The following ALK variants were observed in gnomAD, a reference collection of about 807,000 sequenced individuals.
ALK encodes ALK tyrosine kinase receptor.
A neutral mutation model predicts 163.1 loss-of-function variants in ALK; 74 were observed. The observed-to-expected ratio is 0.45, with a 90% CI of 0.38 to 0.55. The LOEUF (loss-of-function observed/expected upper bound fraction) is 0.55, where lower values mean the gene tolerates loss of function less well. ALK is among the 20% of genes least tolerant of loss of function. The probability of loss-of-function intolerance (pLI) is 0.00; values close to 1 mark genes in which losing one functional copy is unlikely to be tolerated. For missense variants in ALK, 2,063 were observed against 2,105.3 expected, an observed-to-expected ratio of 0.98 and a Z score of 0.39; for synonymous variants, 960 against 843.2, an observed-to-expected ratio of 1.14 and a Z score of -2.40.
intron 4 of ALK, among the ~76,000 whole-genome samples, chr2:29,463,905 G>A (rs543684056): frequency 6.6e-6 from 1 of 152,266 alleles, no homozygotes; most frequent in South Asian, 2.1e-4. Flanking sequence ...AGCCAAAGTA[G>A]GTAGATCTAG....
intron 3 of ALK, among the ~76,000 whole-genome samples, chr2:29,581,779 CTTCT>C (rs934664725): frequency 6.6e-6 from 1 of 152,200 alleles, no homozygotes; most frequent in African/African-American, 2.4e-5. Context: ...TCTCTTCTTA[CTTCT>C]TTCTTTCCAA....
At chr2:29,559,083 A>C (rs776495090) in intron 3 of ALK, among the ~76,000 whole-genome samples, 1 of 152,168 alleles carries the variant, frequency 6.6e-6, no homozygotes, top group Non-Finnish European at 1.5e-5. Context: ...AGAACCTTGA[A>C]GGGTTCAGAC....
intron 4 of ALK, among the ~76,000 whole-genome samples, chr2:29,405,209 G>A (rs573471732): frequency 8.6e-4 from 131 of 152,244 alleles, no homozygotes; most frequent in African/African-American, 3.2e-3. Flanking sequence ...AAAGATTAAT[G>A]AGAGGCAGAG....
chr2:29,556,989 C>G (rs1673880009), intron 3 of ALK, among the ~76,000 whole-genome samples: 1 of 152,154 alleles, frequency 6.6e-6, no homozygotes, highest in Non-Finnish European at 1.5e-5. Context: ...AATACTTTAG[C>G]TTCATTATCA....
intron 1 of ALK, among the ~76,000 whole-genome samples, chr2:29,880,546 C>A (rs1666830298): frequency 6.6e-6 from 1 of 152,162 alleles, no homozygotes; most frequent in African/African-American, 2.4e-5. Context: ...CACTTAAGCT[C>A]CTACTTTATA....
intron 26 of ALK, 120 bp downstream of exon 26, chr2:29,207,051 G>T: frequency 1.3e-6 from 1 of 777,712 alleles, no homozygotes. Context: ...CGGGTGTATT[G>T]ATTCTTCTCT....
chr2:29,433,972 T>TTGTTTTTTTG (rs1371374032), intron 4 of ALK, among the ~76,000 whole-genome samples: 1 of 152,172 alleles, frequency 6.6e-6, no homozygotes, highest in Non-Finnish European at 1.5e-5. Flanking sequence ...ATTTTAAAAC[T>TTGTTTTTTTG]CAGAGTTTTT....
At chr2:29,396,857 T>TTTTTTTTTTTTTTTTTC (rs1573316817) in intron 4 of ALK, among the ~76,000 whole-genome samples, 1 of 144,442 alleles carries the variant, frequency 6.9e-6, no homozygotes, top group Non-Finnish European at 1.5e-5. Flanking sequence ...TTTTTTTTTT[T>TTTTTTTTTTTTTTTTTC]TTTGCTACTT....
At chr2:29,383,700 C>T in intron 5 of ALK, 32 bp downstream of exon 5, 1 of 1,613,830 alleles carries the variant, frequency 6.2e-7, no homozygotes, top group Non-Finnish European at 8.5e-7. Context: ...CAATAGGCTA[C>T]CAAGGAGCGT....
At chr2:29,530,156 T>C (rs1017009877) in intron 4 of ALK, among the ~76,000 whole-genome samples, 1 of 149,412 alleles carries the variant, frequency 6.7e-6, no homozygotes, top group South Asian at 2.1e-4. Flanking sequence ...TCAGGTCTCC[T>C]GGAAAGAGTC....
Position 29,920,404 on chromosome 2 carries a change from C to A in ALK, c.256G>T (p.Glu86Ter). 6.3e-7 allele frequency: 1 copy of A among 1,580,230 alleles called. No individual in the cohort carries two copies. Among genetic ancestry groups the A allele is most frequent in the Non-Finnish European group, 8.6e-7 (1 of 1,163,820 alleles). ...SSSELKAGRP[E>*]ARGSLALDCA... The stretch of plus-strand genomic sequence containing the variant: ...TCCAGAGCTAGCGAGCCGCGGGCCT[C>A]GGGCCTGCCAGCCTTCAGCTCCGAG... Residue 86 changes from glutamate to a stop codon, truncating the protein, a stop_gained, in exon 1 of 29, where the codon GAG becomes TAG. Transcript: ENST00000389048. LOFTEE classifies it high-confidence loss of function.
chr2:29,329,902 C>T (rs893400141), intron 5 of ALK, among the ~76,000 whole-genome samples: 6 of 152,186 alleles, frequency 3.9e-5, no homozygotes, highest in African/African-American at 1.2e-4. Context: ...CAGAGAGGTT[C>T]AGTGACTTAT....
At chr2:29,203,514 T>G (rs1669236134) in intron 26 of ALK, among the ~76,000 whole-genome samples, 1 of 130,330 alleles carries the variant, frequency 7.7e-6, no homozygotes, top group Non-Finnish European at 1.7e-5. Context: ...TTTTTTTTTG[T>G]GAGACAGAGT....
intron 1 of ALK, among the ~76,000 whole-genome samples, chr2:29,879,486 T>C (rs758284126): frequency 1.9e-4 from 29 of 152,238 alleles, no homozygotes; most frequent in Non-Finnish European, 4.0e-4. Context: ...TGACTGTCTA[T>C]GGCAACCTGT....
intron 5 of ALK, among the ~76,000 whole-genome samples, chr2:29,364,397 C>T (rs982109543): frequency 1.3e-5 from 2 of 152,158 alleles, no homozygotes; most frequent in Admixed American, 6.5e-5. Context: ...ACCAAGTCAG[C>T]TCACCATGGA....
chr2:29,533,241 T>G (rs990152904), intron 3 of ALK, among the ~76,000 whole-genome samples: 1 of 152,196 alleles, frequency 6.6e-6, no homozygotes, highest in Non-Finnish European at 1.5e-5. Flanking sequence ...AGAAAAGTGA[T>G]CTACAACTGT....
At position 29,871,695 on chromosome 2, in the gene ALK, T is replaced by C. The variant is rs540904473; in HGVS notation, c.667+48298A>G. Among the ~76,000 whole-genome samples, 3 of 151,968 alleles carry C rather than the reference T, an allele frequency of 2.0e-5. No individual in the cohort carries two copies. The South Asian group carries it at 6.3e-4, about 32-fold the overall frequency. ...GTGGTTGCTACTAATATCACATGAG[T>C]CCCCTCCCCCACAAAAATACATTAG... On this transcript the variant is annotated intron_variant, in intron 1 of 28. Coordinates refer to ENST00000389048, the MANE Select transcript of ALK (RefSeq NM_004304.5).
At chr2:29,746,148 A>C (rs576275887) in intron 1 of ALK, among the ~76,000 whole-genome samples, 4 of 152,200 alleles carry the variant, frequency 2.6e-5, no homozygotes, top group Non-Finnish European at 5.9e-5. Flanking sequence ...CCCTAAGCTA[A>C]CACCACTAGA....
At chr2:29,390,757 G>A (rs952564642) in intron 4 of ALK, among the ~76,000 whole-genome samples, 1 of 152,176 alleles carries the variant, frequency 6.6e-6, no homozygotes, top group Admixed American at 6.5e-5. Flanking sequence ...ATTTTTATGG[G>A]AGATAGCAGG....
Sources: gnomAD v4.1 joint callset for allele counts (sites outside exome capture counted in the v4.1 genomes callset) on GRCh38, gnomAD v4.1.1 for gene constraint, MANE v1.5 for transcripts, NCBI Gene and HGNC (gene_info 2026-07-23, HGNC 2026-07-21) for gene names.